Variants in CCDC178 observed in about 807,000 individuals in gnomAD.
CCDC178 encodes the protein coiled-coil domain containing 178.
CCDC178 carries 126 observed loss-of-function variants against 117.4 expected under a neutral mutation model. The ratio of observed to expected loss-of-function variants is 1.07; its 90% confidence interval spans 0.93 to 1.24. CCDC178 has a LOEUF of 1.24. Among genes scored for constraint, CCDC178 ranks in the 50% most tolerant of loss-of-function variants. CCDC178 has a pLI of 0.00. For missense variants in CCDC178, 1,030 were observed against 986.9 expected (o/e 1.04, Z -0.59); for synonymous variants, 283 against 313.4 (o/e 0.90, Z 1.02).
At chr18:33,362,981 G>A (rs2063151219) in intron 6 of CCDC178, among the ~76,000 whole-genome samples, 3 of 151,980 alleles carry the variant, frequency 2.0e-5, no homozygotes, top group Non-Finnish European at 2.9e-5. Context: ...AATTATAAAT[G>A]TGTCAATACT....
intron 21 of CCDC178, among the ~76,000 whole-genome samples, chr18:33,048,020 G>A (rs984588895): frequency 6.6e-6 from 1 of 152,136 alleles, no homozygotes; most frequent in African/African-American, 2.4e-5. Context: ...TTAGAAATGT[G>A]ATCTAGTTTA....
intron 9 of CCDC178, among the ~76,000 whole-genome samples, chr18:33,340,391 C>T (rs181292310): frequency 7.0e-4 from 106 of 152,192 alleles, no homozygotes; most frequent in African/African-American, 2.0e-3. Context: ...TGCAGCCTGA[C>T]GATTCAATAG....
intron 21 of CCDC178, among the ~76,000 whole-genome samples, chr18:33,050,161 C>T (rs547727480): frequency 8.0e-4 from 121 of 152,114 alleles, no homozygotes; most frequent in African/African-American, 2.8e-3. Context: ...GTACTTTATC[C>T]TAAATAGCTT....
At chr18:33,348,663 A>T (rs531613998) in intron 8 of CCDC178, among the ~76,000 whole-genome samples, 2 of 152,078 alleles carry the variant, frequency 1.3e-5, no homozygotes, top group Non-Finnish European at 2.9e-5. Context: ...GATAGCCATC[A>T]TTATACACTC....
intron 9 of CCDC178, among the ~76,000 whole-genome samples, chr18:33,342,031 G>T (rs2062823836): frequency 6.6e-6 from 1 of 152,160 alleles, no homozygotes; most frequent in Non-Finnish European, 1.5e-5. Context: ...ATTCAGCTAA[G>T]AAATGAGTAA....
chr18:33,249,093 C>T (rs2059585909), intron 14 of CCDC178, among the ~76,000 whole-genome samples: 1 of 151,982 alleles, frequency 6.6e-6, no homozygotes, highest in African/African-American at 2.4e-5. Flanking sequence ...TCATATCCTT[C>T]ACCCACTTTT....
chr18:33,437,438 C>T (rs1440759591), intron 2 of CCDC178, among the ~76,000 whole-genome samples: 2 of 152,012 alleles, frequency 1.3e-5, no homozygotes, highest in Non-Finnish European at 2.9e-5. Context: ...TTAACATGCC[C>T]AGGTATCTCA....
At chr18:33,141,951 G>A (rs2144302216) in intron 20 of CCDC178, among the ~76,000 whole-genome samples, 1 of 152,276 alleles carries the variant, frequency 6.6e-6, no homozygotes, top group East Asian at 1.9e-4. Context: ...GAGAATCTCA[G>A]AGATGTTAGT....
chr18:33,052,106 G>C (rs1445623660), intron 21 of CCDC178, among the ~76,000 whole-genome samples: 1 of 152,100 alleles, frequency 6.6e-6, no homozygotes, highest in African/African-American at 2.4e-5. Context: ...CTGGAGGTAG[G>C]ATTATCCTCA....
intron 7 of CCDC178, 137 bp from the exon 8 acceptor site, chr18:33,349,112 C>CT: frequency 1.9e-6 from 1 of 516,624 alleles, no homozygotes; most frequent in Non-Finnish European, 3.4e-6. Flanking sequence ...AGATAGGAGA[C>CT]TAATATAGCA....
At chr18:33,318,289 G>A (rs1331317315) in intron 11 of CCDC178, among the ~76,000 whole-genome samples, 2 of 152,148 alleles carry the variant, frequency 1.3e-5, no homozygotes, top group African/African-American at 4.8e-5. Flanking sequence ...TGGGTGAGTG[G>A]CTTTGTCAGT....
At chr18:33,032,803 ATCTCT>A (rs1166128922) in intron 21 of CCDC178, among the ~76,000 whole-genome samples, 3 of 152,080 alleles carry the variant, frequency 2.0e-5, no homozygotes, top group African/African-American at 7.2e-5. Context: ...GGTTGGCTAC[ATCTCT>A]TCTCTGTTTA....
intron 22 of CCDC178, chr18:32,954,116 G>C (rs535274459): frequency 6.6e-6 from 1 of 152,260 alleles, no homozygotes; most frequent in African/African-American, 2.4e-5. Context: ...TTCTTCAAGT[G>C]TGAATAAATG....
intron 2 of CCDC178, among the ~76,000 whole-genome samples, chr18:33,433,501 C>CA (rs887350926): frequency 9.9e-5 from 15 of 152,062 alleles, no homozygotes; most frequent in African/African-American, 3.6e-4. Flanking sequence ...GCCCTGCCCC[C>CA]AACCCATCAC....
intron 21 of CCDC178, among the ~76,000 whole-genome samples, chr18:33,002,658 T>C (rs1416871906): frequency 1.3e-5 from 2 of 151,770 alleles, no homozygotes; most frequent in South Asian, 2.1e-4. Flanking sequence ...AATCCAAAGT[T>C]AGTAGAAGAC....
chr18:33,291,953 G>A (rs980511239), intron 12 of CCDC178, among the ~76,000 whole-genome samples: 4 of 150,994 alleles, frequency 2.6e-5, no homozygotes, highest in African/African-American at 9.7e-5. Context: ...ACTCTTAAAC[G>A]TTGTTGTTGG....
At chr18:32,967,498 T>C (rs2054839498) in intron 22 of CCDC178, among the ~76,000 whole-genome samples, 1 of 148,186 alleles carries the variant, frequency 6.7e-6, no homozygotes, top group Non-Finnish European at 1.5e-5. Context: ...TTCTTTATTC[T>C]TTTTTTTTTC....
intron 4 of CCDC178, among the ~76,000 whole-genome samples, chr18:33,391,948 C>T (rs1189919789): frequency 1.3e-5 from 2 of 151,914 alleles, no homozygotes; most frequent in African/African-American, 4.8e-5. Flanking sequence ...ACTGCAACCT[C>T]TGCCTCCTGG....
At chr18:33,433,428 A>C (rs928994199) in intron 2 of CCDC178, among the ~76,000 whole-genome samples, 7 of 152,208 alleles carry the variant, frequency 4.6e-5, no homozygotes, top group African/African-American at 1.7e-4. Flanking sequence ...TCAAAAGGTC[A>C]TGAGTTTTCT....
Sources: allele counts gnomAD v4.1 joint callset (sites outside exome capture counted in the v4.1 genomes callset), GRCh38; gene constraint gnomAD v4.1.1; transcripts MANE v1.5; gene names NCBI Gene and HGNC (gene_info 2026-07-23, HGNC 2026-07-21).